FNDC3A: variants seen among roughly 807,000 people sequenced by gnomAD.
The protein encoded by FNDC3A is fibronectin type III domain containing 3A.
A neutral mutation model predicts 148.9 loss-of-function variants in FNDC3A; 32 were observed. That is an observed-to-expected ratio of 0.21 (90% confidence interval 0.16 to 0.29). FNDC3A has a LOEUF of 0.29. FNDC3A is among the 10% of genes least tolerant of loss of function. The pLI is 1.00. For missense variants in FNDC3A, 1,191 were observed against 1,452.8 expected, an observed-to-expected ratio of 0.82 and a Z score of 2.93; for synonymous variants, 472 against 473.6, an observed-to-expected ratio of 1.00 and a Z score of 0.04.
At chr13:49,038,447 A>G (rs1407576067) in intron 2 of FNDC3A, among the ~76,000 whole-genome samples, 1 of 152,196 alleles carries the variant, frequency 6.6e-6, no homozygotes, top group Admixed American at 6.5e-5. Flanking sequence ...TAGGACATAG[A>G]CACATACAGA....
intron 2 of FNDC3A, among the ~76,000 whole-genome samples, chr13:49,068,172 T>TA (rs1209565702): frequency 0.018 from 2,511 of 137,478 alleles, 32 homozygotes; most frequent in South Asian, 0.031. Context: ...CGTCTTTATT[T>TA]AAAAAAAAAA....
chr13:49,114,334 A>C (rs1041315207), intron 3 of FNDC3A, among the ~76,000 whole-genome samples: 5 of 152,210 alleles, frequency 3.3e-5, no homozygotes, highest in South Asian at 2.1e-4. Context: ...TGTAAAGTGA[A>C]TATAATGATT....
chr13:49,026,631 G>C lies in FNDC3A; in HGVS notation c.99+20342G>C, dbSNP rs149547718. On this transcript the variant is annotated intron_variant, in intron 2 of 25. Coordinates refer to ENST00000492622, the MANE Select transcript of FNDC3A (RefSeq NM_001079673.2). Reference sequence around the variant, plus strand: ...TGATCCTCCTGCCTCAGCCTCCTGAGTAGCTAGAACTACAGGCATATGCCA... The same window carrying C: ...TGATCCTCCTGCCTCAGCCTCCTGACTAGCTAGAACTACAGGCATATGCCA... 8.1e-3 allele frequency among the ~76,000 whole-genome samples: 1,237 copies of C among 152,214 alleles called. 45 individuals are homozygous for C. The highest frequency in any genetic ancestry group is 0.068 in the Admixed American group (1,043 of 15,290).
At chr13:49,084,535 A>G (rs775901763) in intron 3 of FNDC3A, among the ~76,000 whole-genome samples, 2 of 152,194 alleles carry the variant, frequency 1.3e-5, no homozygotes, top group Non-Finnish European at 2.9e-5. Flanking sequence ...CTGGGTGATG[A>G]TCATTTGACC....
chr13:49,092,515 C>G (rs1879254494), intron 3 of FNDC3A, among the ~76,000 whole-genome samples: 2 of 152,180 alleles, frequency 1.3e-5, no homozygotes, highest in Admixed American at 6.5e-5. Flanking sequence ...CCCACTAACT[C>G]AAATCCTTTG....
intron 19 of FNDC3A, among the ~76,000 whole-genome samples, chr13:49,196,023 A>G (rs927350706): frequency 2.8e-5 from 4 of 141,568 alleles, no homozygotes; most frequent in Non-Finnish European, 4.5e-5. Flanking sequence ...GCAGTGAGCC[A>G]TGTTTGCACC....
chr13:49,123,737 CAT>C (rs1399902640), intron 4 of FNDC3A, among the ~76,000 whole-genome samples: 10 of 151,604 alleles, frequency 6.6e-5, no homozygotes, highest in East Asian at 3.9e-4. Context: ...GGCCAACAAA[CAT>C]ATGAAAAAAA....
Position 49,209,341 on chromosome 13 carries a change from G to A in FNDC3A, c.*1946G>A, listed in dbSNP as rs1347130510. 1 of 152,536 alleles carries A rather than the reference G, an allele frequency of 6.6e-6. No individual in the cohort carries two copies. The highest frequency in any genetic ancestry group is 2.4e-5 in the African/African-American group (1 of 41,434). The allele number at this position is 152,536 out of a possible 1,614,324, so 9.4% of individuals were successfully genotyped here. On this transcript the variant is annotated 3_prime_UTR_variant, in exon 26 of 26. Coordinates refer to ENST00000492622, the MANE Select transcript of FNDC3A (RefSeq NM_001079673.2). The stretch of plus-strand genomic sequence containing the variant: ...ATTTAATAGTATACTTGCCATTTGA[G>A]CCTCACTGCAAAATTAGTGCAGAGG...
chr13:49,036,772 G>A (rs970921116), intron 2 of FNDC3A, among the ~76,000 whole-genome samples: 1 of 152,166 alleles, frequency 6.6e-6, no homozygotes, highest in South Asian at 2.1e-4. Flanking sequence ...CTTTGCTTTA[G>A]GATGGCAGAA....
In FNDC3A at chr13:49,198,482, G is replaced by C. The variant is rs761618916; in HGVS notation, c.2895G>C (p.Gln965His). ...TGGAATGTGTTGCCTTTAGCCACCA[G>C]AACCTTAAGCTGAAATGGGGAGAAG... The part of the protein sequence containing the change: ...PRLECVAFSH[Q>H]NLKLKWGEGT... The change falls in exon 23 of 26, where the codon CAG becomes CAC. Residue 965 changes from glutamine to histidine, a missense_variant. Coordinates refer to ENST00000492622, the MANE Select transcript of FNDC3A (RefSeq NM_001079673.2). 1 of 1,614,190 alleles carries C rather than the reference G, an allele frequency of 6.2e-7. No individual in the cohort carries two copies. Among genetic ancestry groups the C allele is most frequent in the Non-Finnish European group, 8.5e-7 (1 of 1,180,016 alleles).
At chr13:49,024,974 C>T (rs1873593406) in intron 2 of FNDC3A, among the ~76,000 whole-genome samples, 1 of 151,982 alleles carries the variant, frequency 6.6e-6, no homozygotes, top group South Asian at 2.1e-4. Flanking sequence ...TTTGTTGCTA[C>T]TACTGTTATT....
intron 19 of FNDC3A, among the ~76,000 whole-genome samples, chr13:49,194,835 A>C (rs1158588595): frequency 6.6e-6 from 1 of 152,104 alleles, no homozygotes; most frequent in Non-Finnish European, 1.5e-5. Context: ...ATATAGCTTT[A>C]AACTATATAA....
chr13:49,060,974 A>G (rs1441270983), intron 2 of FNDC3A, among the ~76,000 whole-genome samples: 1 of 152,178 alleles, frequency 6.6e-6, no homozygotes, highest in Non-Finnish European at 1.5e-5. Flanking sequence ...TTACACTTTA[A>G]TATGGTTAAT....
At chr13:49,105,629 A>G (rs892834051) in intron 3 of FNDC3A, among the ~76,000 whole-genome samples, 3 of 152,218 alleles carry the variant, frequency 2.0e-5, no homozygotes, top group Non-Finnish European at 2.9e-5. Flanking sequence ...TTCTAACGTA[A>G]CATGTCCAAA....
At chr13:49,117,491 G>A (rs1881044466) in intron 4 of FNDC3A, among the ~76,000 whole-genome samples, 1 of 151,848 alleles carries the variant, frequency 6.6e-6, no homozygotes, top group Admixed American at 6.6e-5. Flanking sequence ...TCATGTTATT[G>A]AACCACTTCT....
chr13:48,975,792 C>T (rs927800366), upstream of FNDC3A: 13 of 151,694 alleles, frequency 8.6e-5, no homozygotes, highest in Non-Finnish European at 1.2e-4. Flanking sequence ...CGCGGGGACT[C>T]GCGTTCCGGT....
chr13:48,979,796 C>T (rs1192469729), intron 1 of FNDC3A, among the ~76,000 whole-genome samples: 1 of 152,038 alleles, frequency 6.6e-6, no homozygotes, highest in African/African-American at 2.4e-5. Flanking sequence ...AGGCCATTTA[C>T]AGTCTCGGTT....
chr13:49,168,380 A>G (rs529457926), intron 9 of FNDC3A, among the ~76,000 whole-genome samples: 1 of 152,192 alleles, frequency 6.6e-6, no homozygotes, highest in African/African-American at 2.4e-5. Context: ...AGGAATATAT[A>G]TGCACACTCA....
At chr13:49,182,899 A>G (rs1048639152) in intron 14 of FNDC3A, among the ~76,000 whole-genome samples, 7 of 151,966 alleles carry the variant, frequency 4.6e-5, no homozygotes, top group African/African-American at 1.7e-4. Flanking sequence ...TTTGCCTTCC[A>G]TTTCTGTCTT....
Sources: allele counts gnomAD v4.1 joint callset (sites outside exome capture counted in the v4.1 genomes callset), GRCh38; gene constraint gnomAD v4.1.1; transcripts MANE v1.5; gene names NCBI Gene and HGNC (gene_info 2026-07-23, HGNC 2026-07-21).